Variants in SNX30 observed in about 807,000 individuals in gnomAD.
SNX30 encodes the protein sorting nexin-30.
SNX30 carries 24 observed loss-of-function variants against 46.4 expected under a neutral mutation model. The ratio of observed to expected loss-of-function variants is 0.52; its 90% CI spans 0.37 to 0.73. SNX30 has a LOEUF of 0.73. Ranked by LOEUF, SNX30 falls within the 30% of genes least tolerant of loss-of-function variation. SNX30 has a pLI of 0.00. For missense variants in SNX30, 533 were observed against 555.7 expected (o/e 0.96, Z 0.41); for synonymous variants, 189 against 211.5 (o/e 0.89, Z 0.92).
At chr9:112,782,898 G>A (rs1047743940) in intron 1 of SNX30, among the ~76,000 whole-genome samples, 8 of 152,328 alleles carry the variant, frequency 5.3e-5, no homozygotes, top group East Asian at 3.9e-4. Flanking sequence ...GTGGGGCCTC[G>A]TTTTATTTTT....
chr9:112,884,214 A>G (rs146323350), downstream of SNX30, among the ~76,000 whole-genome samples: 126 of 152,364 alleles, frequency 8.3e-4, no homozygotes, highest in Admixed American at 2.0e-3. Context: ...TGGGATTGCA[A>G]ACAGGCTGGG....
intron 4 of SNX30, among the ~76,000 whole-genome samples, chr9:112,834,882 A>ACACACACACACACACACC (rs56385707): frequency 0.012 from 1,240 of 105,260 alleles, 38 homozygotes; most frequent in African/African-American, 0.031. Context: ...ACACACACAC[A>ACACACACACACACACACC]CCTACCTCAA....
intron 1 of SNX30, among the ~76,000 whole-genome samples, chr9:112,780,152 C>T (rs1216320583): frequency 2.0e-5 from 3 of 152,048 alleles, no homozygotes; most frequent in East Asian, 1.9e-4. Flanking sequence ...TGCTGGGGTG[C>T]GTGTTTTTGT....
intron 8 of SNX30, among the ~76,000 whole-genome samples, chr9:112,864,759 T>TA (rs1278150954): frequency 7.9e-5 from 12 of 152,118 alleles, no homozygotes; most frequent in African/African-American, 2.9e-4. Context: ...TGGGGTTCTG[T>TA]ACACAGGGTC....
chr9:112,755,178 G>A (rs1839328621), intron 1 of SNX30, among the ~76,000 whole-genome samples: 3 of 152,216 alleles, frequency 2.0e-5, no homozygotes, highest in African/African-American at 7.2e-5. Flanking sequence ...ATGGAAGGAG[G>A]AAAAAGGAGA....
intron 1 of SNX30, among the ~76,000 whole-genome samples, chr9:112,775,374 C>T (rs1315104275): frequency 2.6e-5 from 4 of 151,052 alleles, no homozygotes; most frequent in Non-Finnish European, 5.9e-5. Context: ...AGGCTGGTCT[C>T]GACCTCCCGA....
chr9:112,875,801 T>A (rs1841510512), downstream of SNX30: 1 of 152,158 alleles, frequency 6.6e-6, no homozygotes, highest in Non-Finnish European at 1.5e-5. Flanking sequence ...AACAGGATAT[T>A]CTTTTTTTTT....
At chr9:112,763,404 A>G (rs1222491886) in intron 1 of SNX30, among the ~76,000 whole-genome samples, 6 of 105,402 alleles carry the variant, frequency 5.7e-5, no homozygotes, top group Non-Finnish European at 8.6e-5. Flanking sequence ...GTGTGTGTGT[A>G]GAGAGAGGCG....
In SNX30 at chr9:112,838,653, C is replaced by T; in HGVS notation, c.970C>T (p.Leu324=). 6.2e-7 allele frequency: 1 copy of T among 1,614,158 alleles called. No homozygotes were observed. Among genetic ancestry groups the T allele is most frequent in the Non-Finnish European group, 8.5e-7 (1 of 1,180,002 alleles). The change falls in exon 6 of 9, where the codon CTA becomes TTA. Residue 324 remains leucine (L), a synonymous_variant. Transcript: ENST00000374232. ...GACAGATGACATGACAGAAGACTTC[C>T]TACCTGTGCTCAGGGAATATATTTT... The part of the protein sequence containing the change: ...ELTDDMTEDF[L]PVLREYILYS...
chr9:112,846,662 T>C (rs1840944210), intron 6 of SNX30, among the ~76,000 whole-genome samples: 1 of 152,214 alleles, frequency 6.6e-6, no homozygotes, highest in East Asian at 1.9e-4. Flanking sequence ...ACTTGGGTCT[T>C]GGGTCGTCAG....
chr9:112,791,276 A>G (rs1840015763), intron 1 of SNX30, among the ~76,000 whole-genome samples: 1 of 151,890 alleles, frequency 6.6e-6, no homozygotes, highest in Admixed American at 6.6e-5. Flanking sequence ...CTGTTCTGAC[A>G]TTTCATATAA....
intron 7 of SNX30, among the ~76,000 whole-genome samples, chr9:112,857,495 G>T (rs141492265): frequency 5.3e-5 from 8 of 152,296 alleles, no homozygotes; most frequent in African/African-American, 1.9e-4. Context: ...TTGCCAGTTA[G>T]GGAGCCCTGT....
intron 1 of SNX30, among the ~76,000 whole-genome samples, chr9:112,781,346 C>T (rs947665595): frequency 6.6e-6 from 1 of 152,106 alleles, no homozygotes; most frequent in Non-Finnish European, 1.5e-5. Context: ...AAGCAAACAA[C>T]CTATTTTCAT....
At chr9:112,831,753 A>G (rs1374840444) in intron 4 of SNX30, among the ~76,000 whole-genome samples, 2 of 151,994 alleles carry the variant, frequency 1.3e-5, no homozygotes, top group African/African-American at 4.8e-5. Flanking sequence ...GTGTATTCAA[A>G]CTCAAGTTGG....
At chr9:112,790,983 G>A (rs1483725061) in intron 1 of SNX30, among the ~76,000 whole-genome samples, 1 of 152,092 alleles carries the variant, frequency 6.6e-6, no homozygotes, top group Non-Finnish European at 1.5e-5. Context: ...GAATGTAGTG[G>A]ACATGGCTTT....
intron 1 of SNX30, among the ~76,000 whole-genome samples, chr9:112,787,800 C>CT (rs796350806): frequency 0.011 from 1,529 of 138,606 alleles, 17 homozygotes; most frequent in Admixed American, 0.047. Context: ...GGCAAGGACG[C>CT]TTTTTTTTTT....
intron 2 of SNX30, among the ~76,000 whole-genome samples, chr9:112,814,438 G>A (rs1036148115): frequency 5.3e-5 from 8 of 151,896 alleles, no homozygotes; most frequent in African/African-American, 1.9e-4. Flanking sequence ...ACAGGGTTTT[G>A]CCATGTTGCT....
At chr9:112,782,163 T>A (rs1442230149) in intron 1 of SNX30, among the ~76,000 whole-genome samples, 1 of 151,988 alleles carries the variant, frequency 6.6e-6, no homozygotes, top group African/African-American at 2.4e-5. Flanking sequence ...ACCTTCCGGG[T>A]TCAAGAGATT....
Position 112,836,330 on chromosome 9 carries a change from A to G in SNX30, c.735A>G (p.Ile245Met), listed in dbSNP as rs76424583. 0.09 allele frequency: 145,928 copies of G among 1,613,222 alleles called. 7,227 individuals carry two copies. The highest frequency in any genetic ancestry group is 0.1 in the Non-Finnish European group (122,231 of 1,179,202). The change falls in exon 5 of 9, where the codon ATA becomes ATG. Residue 245 changes from isoleucine (I) to methionine (M), a missense_variant. Around this residue, in one of 3 missense-constraint regions of SNX30, gnomAD observed 261 missense variants for 270.9 expected, o/e 0.96. Coordinates refer to ENST00000374232, the MANE Select transcript of SNX30 (RefSeq NM_001012994.2). ...CTCGGCCGCTTGAGTTTGCTGCCAT[A>G]GGTGACTACTTAGATACATTTGCAC... is the stretch of plus-strand genomic sequence containing the variant. ...LRTRPLEFAA[I>M]GDYLDTFALK... is the part of the protein sequence containing the mutation.
Sources: allele counts gnomAD v4.1 joint callset (sites outside exome capture counted in the v4.1 genomes callset), GRCh38; gene constraint gnomAD v4.1.1; regional missense constraint gnomAD v4.1.1; transcripts MANE v1.5; gene names NCBI Gene and HGNC (gene_info 2026-07-23, HGNC 2026-07-21).